COP1: variants seen among roughly 807,000 people sequenced by gnomAD.
COP1 encodes E3 ubiquitin-protein ligase COP1.
In COP1, 24 loss-of-function variants were observed where a neutral mutation model predicts 101.3. The ratio of observed to expected loss-of-function variants is 0.24; its 90% confidence interval spans 0.17 to 0.33. The LOEUF (loss-of-function observed/expected upper bound fraction) is 0.33. COP1 is among the 10% of genes least tolerant of loss of function. The pLI, the probability that COP1 is intolerant of heterozygous loss-of-function variation, is 1.00. For missense variants in COP1, 663 were observed against 906.2 expected (o/e 0.73, Z 3.45); for synonymous variants, 347 against 341.9 (o/e 1.01, Z -0.17).
intron 11 of COP1, among the ~76,000 whole-genome samples, chr1:176,066,098 A>C (rs1424026889): frequency 2.6e-5 from 4 of 152,192 alleles, no homozygotes; most frequent in African/African-American, 4.8e-5. Context: ...AAGACTAAGA[A>C]GCCCATATCT....
At chr1:176,047,274 T>C (rs12142010) in intron 11 of COP1, among the ~76,000 whole-genome samples, 10,585 of 152,290 alleles carry the variant, frequency 0.07, 461 homozygotes, top group Non-Finnish European at 0.087. Context: ...AATCATTCAC[T>C]TACTAAAACA....
intron 4 of COP1, 69 bp downstream of exon 4, chr1:176,163,742 TCTAA>T (rs1374296487): frequency 1.6e-5 from 15 of 935,808 alleles, no homozygotes; most frequent in African/African-American, 5.1e-5. Flanking sequence ...AACTTTAACA[TCTAA>T]CTAATATTAA....
At chr1:175,990,038 C>G (rs1022547165) in intron 15 of COP1, among the ~76,000 whole-genome samples, 6 of 151,816 alleles carry the variant, frequency 4.0e-5, no homozygotes, top group African/African-American at 1.5e-4. Context: ...CTTCCTTCTG[C>G]TTGTCTTCAG....
At chr1:175,963,973 G>C (rs927210547) in intron 18 of COP1, among the ~76,000 whole-genome samples, 2 of 152,114 alleles carry the variant, frequency 1.3e-5, no homozygotes, top group Non-Finnish European at 2.9e-5. Context: ...ATGTGGATTC[G>C]TATATAAAAT....
At chr1:176,166,698 A>T (rs772125226) in intron 3 of COP1, among the ~76,000 whole-genome samples, 8 of 152,126 alleles carry the variant, frequency 5.3e-5, no homozygotes, top group Non-Finnish European at 1.2e-4. Context: ...TTATTTAGGG[A>T]GGCTGAGGCA....
intron 8 of COP1, among the ~76,000 whole-genome samples, chr1:176,129,646 G>A (rs11579181): frequency 0.033 from 5,083 of 151,838 alleles, 117 homozygotes; most frequent in Non-Finnish European, 0.047. Flanking sequence ...CCCAGCTGAA[G>A]GAGATAGAGA....
intron 18 of COP1, among the ~76,000 whole-genome samples, chr1:175,984,118 C>T (rs574697120): frequency 6.6e-6 from 1 of 152,306 alleles, no homozygotes; most frequent in African/African-American, 2.4e-5. Context: ...ATCCCCAAGA[C>T]CACGGGGAAA....
intron 18 of COP1, among the ~76,000 whole-genome samples, chr1:175,949,168 C>CAAAA (rs56280543): frequency 2.1e-4 from 9 of 43,162 alleles, no homozygotes; most frequent in African/African-American, 6.2e-4. Flanking sequence ...GGCTCCGTCT[C>CAAAA]AAAAAAAAAA....
At chr1:176,073,257 G>C (rs891475899) in intron 11 of COP1, among the ~76,000 whole-genome samples, 6 of 152,290 alleles carry the variant, frequency 3.9e-5, no homozygotes, top group African/African-American at 1.4e-4. Flanking sequence ...TACCAGTACA[G>C]AGACTATTCT....
chr1:176,024,935 T>C (rs756699194), intron 15 of COP1, among the ~76,000 whole-genome samples: 1 of 152,110 alleles, frequency 6.6e-6, no homozygotes, highest in African/African-American at 2.4e-5. Context: ...ATGGCAAAGA[T>C]AGTTAAAAAA....
At chr1:176,097,246 T>C (rs1682564320) in intron 9 of COP1, among the ~76,000 whole-genome samples, 1 of 152,152 alleles carries the variant, frequency 6.6e-6, no homozygotes, top group Admixed American at 6.5e-5. Flanking sequence ...ACGACTGAAT[T>C]ATTTTTCTCC....
intron 1 of COP1, among the ~76,000 whole-genome samples, chr1:176,196,030 T>A (rs1429135256): frequency 6.6e-6 from 1 of 152,118 alleles, no homozygotes; most frequent in Non-Finnish European, 1.5e-5. Context: ...ACAACATACT[T>A]CTGAATAATC....
chr1:176,163,987 T>C (rs1394062045), intron 3 of COP1, 96 bp from the exon 4 acceptor site: 32 of 654,996 alleles, frequency 4.9e-5, no homozygotes, highest in Non-Finnish European at 7.4e-5. Context: ...ATTTTACCTA[T>C]ACATAGCCTC....
intron 18 of COP1, among the ~76,000 whole-genome samples, chr1:175,970,530 G>A (rs1653035588): frequency 6.6e-6 from 1 of 152,100 alleles, no homozygotes; most frequent in African/African-American, 2.4e-5. Flanking sequence ...ATGAGATCAG[G>A]AAATAGAGCA....
intron 5 of COP1, among the ~76,000 whole-genome samples, chr1:176,162,334 C>A (rs1205884824): frequency 6.6e-6 from 1 of 152,124 alleles, no homozygotes; most frequent in African/African-American, 2.4e-5. Context: ...CCAATACTTG[C>A]AATTTCACAT....
chr1:176,156,701 CAT>C (rs933935025), intron 5 of COP1, among the ~76,000 whole-genome samples: 1 of 152,054 alleles, frequency 6.6e-6, no homozygotes, highest in African/African-American at 2.4e-5. Context: ...CAACAATAAA[CAT>C]ATCCATTTCA....
intron 1 of COP1, among the ~76,000 whole-genome samples, chr1:176,188,818 T>A (rs1698778751): frequency 7.6e-6 from 1 of 131,478 alleles, no homozygotes. Context: ...CCAGCCTAAG[T>A]GACAAAACAC....
At chr1:176,081,682 T>C (rs1379951617) in intron 10 of COP1, among the ~76,000 whole-genome samples, 1 of 152,150 alleles carries the variant, frequency 6.6e-6, no homozygotes, top group African/African-American at 2.4e-5. Flanking sequence ...CTGGCACACA[T>C]ATTTATGCCC....
chr1:176,168,500 G>A (rs1572649252), intron 3 of COP1, among the ~76,000 whole-genome samples: 1 of 26,590 alleles, frequency 3.8e-5, no homozygotes, highest in Admixed American at 6.8e-4. Flanking sequence ...GAGGGAAGAA[G>A]GAAGGGAGGG....
Sources: allele counts gnomAD v4.1 joint callset (sites outside exome capture counted in the v4.1 genomes callset), GRCh38; gene constraint gnomAD v4.1.1; transcripts MANE v1.5; gene names NCBI Gene and HGNC (gene_info 2026-07-23, HGNC 2026-07-21).